Variants in PAFAH1B1 observed in about 807,000 individuals in gnomAD.
The protein encoded by PAFAH1B1 is platelet-activating factor acetylhydrolase IB subunit beta.
A neutral mutation model predicts 57.5 loss-of-function variants in PAFAH1B1; 2 were observed. The ratio of observed to expected loss-of-function variants is 0.03; its 90% CI spans 0.01 to 0.11. PAFAH1B1 has a LOEUF of 0.11. Ranked by LOEUF, PAFAH1B1 falls within the 10% of genes least tolerant of loss-of-function variation. The pLI is 1.00. For synonymous variants in PAFAH1B1, 152 were observed against 169.6 expected (o/e 0.90, Z 0.81); for missense variants, 257 against 512.0 (o/e 0.50, Z 4.81).
chr17:2,669,503 C>T (rs910266554), intron 5 of PAFAH1B1, among the ~76,000 whole-genome samples: 2 of 152,252 alleles, frequency 1.3e-5, no homozygotes, highest in East Asian at 3.9e-4. Flanking sequence ...TCGTGGTCCG[C>T]CCGCCTTGGC....
At chr17:2,665,745 G>C (rs1192947591) in intron 3 of PAFAH1B1, among the ~76,000 whole-genome samples, 6 of 151,988 alleles carry the variant, frequency 3.9e-5, no homozygotes. Flanking sequence ...GGGATTACAG[G>C]CACGCACCAC....
intron 2 of PAFAH1B1, among the ~76,000 whole-genome samples, chr17:2,660,771 A>T (rs918002682): frequency 1.3e-5 from 2 of 152,192 alleles, no homozygotes; most frequent in Non-Finnish European, 2.9e-5. Flanking sequence ...ATACCCAGTA[A>T]TGGGATTGCT....
chr17:2,645,792 G>A (rs1017921081), intron 2 of PAFAH1B1, among the ~76,000 whole-genome samples: 3 of 150,386 alleles, frequency 2.0e-5, no homozygotes, highest in African/African-American at 7.3e-5. Context: ...TTTTAGTAGA[G>A]ACGGGGTTTC....
At chr17:2,649,974 G>T (rs2068826710) in intron 2 of PAFAH1B1, among the ~76,000 whole-genome samples, 1 of 152,158 alleles carries the variant, frequency 6.6e-6, no homozygotes, top group Non-Finnish European at 1.5e-5. Context: ...GTATAAAGTG[G>T]TAGAGAAAAT....
chr17:2,608,391 C>T (rs909032276), intron 1 of PAFAH1B1, among the ~76,000 whole-genome samples: 1 of 152,172 alleles, frequency 6.6e-6, no homozygotes. Flanking sequence ...GCCCTTTTAC[C>T]ATATTTTCTT....
intron 2 of PAFAH1B1, among the ~76,000 whole-genome samples, chr17:2,647,121 A>G (rs113821951): frequency 0.071 from 10,833 of 152,144 alleles, 617 homozygotes; most frequent in South Asian, 0.24. Flanking sequence ...AGGCTGAGGC[A>G]GGTGGATCAC....
At chr17:2,665,553 AT>A in intron 3 of PAFAH1B1, 97 bp downstream of exon 3, 1 of 756,094 alleles carries the variant, frequency 1.3e-6, no homozygotes, top group Non-Finnish European at 2.4e-6. Context: ...GTCATTTGTT[AT>A]TGTGGTCTAC....
At chr17:2,596,887 C>T (rs1043237940) in intron 1 of PAFAH1B1, among the ~76,000 whole-genome samples, 1 of 151,938 alleles carries the variant, frequency 6.6e-6, no homozygotes, top group Admixed American at 6.6e-5. Flanking sequence ...GGTGAAACCC[C>T]GTCTCTACTA....
intron 2 of PAFAH1B1, among the ~76,000 whole-genome samples, chr17:2,647,346 A>T (rs1006752715): frequency 3.9e-5 from 6 of 151,954 alleles, no homozygotes; most frequent in Non-Finnish European, 8.8e-5. Context: ...AGCCTGGGAG[A>T]CAGAGTGAGA....
chr17:2,622,466 C>T (rs1008890967), intron 1 of PAFAH1B1, among the ~76,000 whole-genome samples: 4 of 152,110 alleles, frequency 2.6e-5, no homozygotes, highest in African/African-American at 9.7e-5. Flanking sequence ...CAGAATCCAG[C>T]GGGACAGTCA....
chr17:2,634,197 T>C (rs1180204120), intron 1 of PAFAH1B1, among the ~76,000 whole-genome samples: 1 of 152,106 alleles, frequency 6.6e-6, no homozygotes, highest in African/African-American at 2.4e-5. Flanking sequence ...GTGCAATGGC[T>C]CAATTTCAGC....
At chr17:2,681,631 T>A in intron 10 of PAFAH1B1, 98 bp from the exon 11 acceptor site, 1 of 925,958 alleles carries the variant, frequency 1.1e-6, no homozygotes, top group Non-Finnish European at 1.7e-6. Context: ...CCGGCTAATT[T>A]TTTTTTTAAT....
chr17:2,650,355 T>C (rs1254722457), intron 2 of PAFAH1B1, among the ~76,000 whole-genome samples: 1 of 151,714 alleles, frequency 6.6e-6, no homozygotes, highest in Non-Finnish European at 1.5e-5. Context: ...CTACTGAAAA[T>C]ACGAACATTA....
intron 1 of PAFAH1B1, among the ~76,000 whole-genome samples, chr17:2,602,640 T>C (rs1446869019): frequency 6.6e-6 from 1 of 152,236 alleles, no homozygotes; most frequent in Non-Finnish European, 1.5e-5. Context: ...GGTTAACGTC[T>C]TTCTGCTACA....
In PAFAH1B1 at chr17:2,638,214, C is replaced by T. The variant is rs889267303; in HGVS notation, c.-75C>T. ...GTGGCATATTTAAATTATAAGTCCA[C>T]GGATCAAAAAGCTTTTTGATTTCCC... On this transcript the variant is annotated 5_prime_UTR_variant, in exon 2 of 11. In the 5' UTR this introduces an upstream ATG that the reference lacks. Coordinates refer to ENST00000397195, the MANE Select transcript of PAFAH1B1 (RefSeq NM_000430.4). 4.1e-6 allele frequency: 5 copies of T among 1,211,806 alleles called. No homozygotes were observed. The highest frequency in any genetic ancestry group is 3.6e-6 in the Non-Finnish European group (3 of 823,358). 75.1% of individuals were successfully genotyped at this position (1,211,806 alleles called of 1,614,324 possible).
chr17:2,595,909 C>T (rs1186419583), intron 1 of PAFAH1B1, among the ~76,000 whole-genome samples: 1 of 152,158 alleles, frequency 6.6e-6, no homozygotes, highest in African/African-American at 2.4e-5. Flanking sequence ...ATGCTGTGAA[C>T]AGCCATTGAG....
At chr17:2,677,457 C>G (rs2069287807) in intron 9 of PAFAH1B1, among the ~76,000 whole-genome samples, 1 of 152,164 alleles carries the variant, frequency 6.6e-6, no homozygotes, top group Non-Finnish European at 1.5e-5. Context: ...TTGGCATCCA[C>G]ATTTGTTTAG....
intron 2 of PAFAH1B1, 26 bp from the exon 3 acceptor site, chr17:2,665,346 A>C (rs2069092308): frequency 1.5e-6 from 2 of 1,302,008 alleles, no homozygotes; most frequent in Admixed American, 1.7e-5. Context: ...TCTTTTTTTT[A>C]GGAGTCATTT....
rs773453407 is a variant in PAFAH1B1 at position 2,681,686 on chromosome 17, G to A, written c.1160-43G>A. On this transcript the variant is annotated intron_variant, in intron 10 of 10. Coordinates refer to ENST00000397195, the MANE Select transcript of PAFAH1B1 (RefSeq NM_000430.4). Reference sequence around the variant, plus strand: ...GGGTCTCACTATGTTTGTTGTCCAGGCTTACGTGTGAGTTTTAAATAAACC... The same window carrying A: ...GGGTCTCACTATGTTTGTTGTCCAGACTTACGTGTGAGTTTTAAATAAACC... The A allele has an allele frequency of 2.7e-6, 4 of 1,481,318 alleles. No individual in the cohort carries two copies. In the African/African-American group the frequency reaches 4.1e-5, roughly 15 times the overall value. The allele number at this position is 1,481,318 out of a possible 1,614,324, so 91.8% of individuals were successfully genotyped here.
Sources: gnomAD v4.1 joint callset for allele counts (sites outside exome capture counted in the v4.1 genomes callset) on GRCh38, gnomAD v4.1.1 for gene constraint, MANE v1.5 for transcripts, NCBI Gene and HGNC (gene_info 2026-07-23, HGNC 2026-07-21) for gene names.